Variants in FHIP2A observed in about 807,000 individuals in gnomAD.
FHIP2A encodes the protein family with sequence similarity 160 member B1.
In FHIP2A, 46 loss-of-function variants were observed where a neutral mutation model predicts 93.5. That is an observed-to-expected ratio of 0.49 (90% CI 0.39 to 0.63). FHIP2A has a LOEUF of 0.63. Among genes scored for constraint, FHIP2A ranks in the 20% least tolerant of loss-of-function variants. The pLI is 0.00. For synonymous variants in FHIP2A, 332 were observed against 326.5 expected (o/e 1.02, Z -0.18); for missense variants, 769 against 909.7 (o/e 0.85, Z 1.99).
At chr10:114,832,946 T>A (rs889685927) in intron 2 of FHIP2A, among the ~76,000 whole-genome samples, 6 of 152,156 alleles carry the variant, frequency 3.9e-5, no homozygotes, top group African/African-American at 1.4e-4. Flanking sequence ...ATTCCTGACC[T>A]CAGGTGATCC....
chr10:114,833,577 TAGAA>T (rs758692254), intron 3 of FHIP2A, 175 bp downstream of exon 3: 4 of 562,418 alleles, frequency 7.1e-6, no homozygotes, highest in Non-Finnish European at 1.2e-5. Context: ...TCCATAGAGA[TAGAA>T]AGATTCCAAA....
At chr10:114,897,035 G>A (rs964233545) in intron 16 of FHIP2A, among the ~76,000 whole-genome samples, 10 of 152,062 alleles carry the variant, frequency 6.6e-5, no homozygotes, top group South Asian at 2.1e-4. Flanking sequence ...TCTGCTAGCC[G>A]TAATAAAAAA....
intron 5 of FHIP2A, among the ~76,000 whole-genome samples, chr10:114,838,383 G>A (rs898608283): frequency 1.9e-4 from 29 of 152,026 alleles, no homozygotes; most frequent in African/African-American, 5.1e-4. Context: ...CTCATCATGC[G>A]CATCGTGTGT....
intron 14 of FHIP2A, among the ~76,000 whole-genome samples, chr10:114,858,441 T>C (rs573322762): frequency 6.6e-6 from 1 of 152,314 alleles, no homozygotes; most frequent in East Asian, 1.9e-4. Flanking sequence ...AATAGTAATG[T>C]ATTTGTTTAA....
chr10:114,896,203 G>A (rs1190597955), intron 16 of FHIP2A, among the ~76,000 whole-genome samples: 2 of 151,812 alleles, frequency 1.3e-5, no homozygotes, highest in Admixed American at 1.3e-4. Flanking sequence ...ATGCACAATA[G>A]TAAAAGGTAA....
Position 114,862,938 on chromosome 10 carries a change from A to G in FHIP2A, c.*1398A>G. The stretch of plus-strand genomic sequence containing the variant: ...TGTTTGCATATACGCATTGTGTGGC[A>G]TGTGCATAGAGGCTTGTTTTACACC... On this transcript the variant is annotated 3_prime_UTR_variant, in exon 17 of 17. Transcript: ENST00000369248. The G allele has an allele frequency of 1.0e-6, 1 of 985,442 alleles. No individual in the cohort carries two copies. Among genetic ancestry groups the G allele is most frequent in the Non-Finnish European group, 1.2e-6 (1 of 829,942 alleles). The allele number at this position is 985,442 out of a possible 1,614,324, so 61.0% of individuals were successfully genotyped here.
intron 16 of FHIP2A, among the ~76,000 whole-genome samples, chr10:114,885,619 C>T (rs74550422): frequency 1.3e-5 from 2 of 152,316 alleles, no homozygotes; most frequent in African/African-American, 4.8e-5. Context: ...GTGCTGCAAT[C>T]CTGTCTCAGC....
intron 7 of FHIP2A, among the ~76,000 whole-genome samples, chr10:114,844,705 A>G (rs1171677029): frequency 6.6e-6 from 1 of 152,002 alleles, no homozygotes; most frequent in Non-Finnish European, 1.5e-5. Context: ...CTTTTCGTTG[A>G]TGTTACTTGG....
At chr10:114,884,467 TTC>T (rs1390832670) in intron 16 of FHIP2A, among the ~76,000 whole-genome samples, 1 of 152,202 alleles carries the variant, frequency 6.6e-6, no homozygotes, top group Admixed American at 6.5e-5. Context: ...AACCTCTTTC[TTC>T]TCAGCTAGGA....
intron 5 of FHIP2A, among the ~76,000 whole-genome samples, chr10:114,838,757 A>G (rs1439577533): frequency 2.0e-5 from 3 of 152,216 alleles, no homozygotes; most frequent in East Asian, 1.9e-4. Flanking sequence ...GGTACACTGT[A>G]TGTACCTGTC....
At position 114,863,987 on chromosome 10, in the gene FHIP2A, A is replaced by G. The variant is rs2083815473; in HGVS notation, c.*2447A>G. 5.7e-6 allele frequency: 6 copies of G among 1,061,516 alleles called. No homozygotes were observed. The highest frequency in any genetic ancestry group is 6.9e-6 in the Non-Finnish European group (6 of 875,174). The allele number at this position is 1,061,516 out of a possible 1,614,324, so 65.8% of individuals were successfully genotyped here. A position where few individuals can be genotyped will look rare whatever the true frequency, so the allele number is the denominator to read the frequency against. ...ATAGAACTCAGATTTGTCTTAGCCT[A>G]TTGCCATATAGTACTCACCTTATAA... is the stretch of plus-strand genomic sequence containing the variant. On this transcript the variant is annotated 3_prime_UTR_variant, in exon 17 of 17. Coordinates refer to ENST00000369248, the MANE Select transcript of FHIP2A (RefSeq NM_020940.4).
rs1337023920 is a variant in FHIP2A at position 114,899,405 on chromosome 10, A to G, written c.2193-85A>G. 9.9e-6 allele frequency: 7 copies of G among 708,588 alleles called. No individual in the cohort carries two copies. The East Asian group carries it at 1.3e-4, about 14-fold the overall frequency. 43.9% of individuals were successfully genotyped at this position (708,588 alleles called of 1,614,324 possible). On this transcript the variant is annotated intron_variant, in intron 16 of 16. Coordinates refer to the FHIP2A transcript ENST00000369250. Reference sequence around the variant, plus strand: ...GAAAGTCCAGGAGTTGGTTAAGCACATAGTTAGATCCGTATGCTCAGGCTA... The same window carrying G: ...GAAAGTCCAGGAGTTGGTTAAGCACGTAGTTAGATCCGTATGCTCAGGCTA...
intron 16 of FHIP2A, among the ~76,000 whole-genome samples, chr10:114,895,962 C>G (rs1395582386): frequency 6.6e-6 from 1 of 152,144 alleles, no homozygotes; most frequent in Non-Finnish European, 1.5e-5. Context: ...CCCAAATCCA[C>G]CCTTTATTGC....
intron 16 of FHIP2A, among the ~76,000 whole-genome samples, chr10:114,875,643 C>T (rs1230098407): frequency 2.6e-5 from 4 of 151,086 alleles, no homozygotes; most frequent in African/African-American, 9.7e-5. Context: ...TTCAGTGAGC[C>T]AAGATTGCGC....
At chr10:114,846,149 A>G in intron 9 of FHIP2A, 26 bp from the exon 10 acceptor site, 4 of 1,613,430 alleles carry the variant, frequency 2.5e-6, no homozygotes, top group Non-Finnish European at 3.4e-6. Flanking sequence ...ATTTTTGCCC[A>G]CTGACTACCT....
intron 1 of FHIP2A, 88 bp downstream of exon 1, chr10:114,822,211 T>TTGGCCCGGCCCTCGGCGGCCC: frequency 1.2e-6 from 1 of 852,330 alleles, no homozygotes; most frequent in East Asian, 4.7e-5. Flanking sequence ...CCGGGCGGCC[T>TTGGCCCGGCCCTCGGCGGCCC]TGGCCCGGCC....
chr10:114,836,615 C>T (rs2083638289), intron 5 of FHIP2A, among the ~76,000 whole-genome samples: 1 of 152,160 alleles, frequency 6.6e-6, no homozygotes, highest in Non-Finnish European at 1.5e-5. Flanking sequence ...ATAAGGATGG[C>T]ATGTGCAGAT....
intron 14 of FHIP2A, among the ~76,000 whole-genome samples, chr10:114,856,299 T>G (rs1466490365): frequency 6.6e-6 from 1 of 152,174 alleles, no homozygotes; most frequent in African/African-American, 2.4e-5. Context: ...CCTTTTTTTT[T>G]TCTTTTTTAA....
At position 114,836,104 on chromosome 10, in the gene FHIP2A, A is replaced by G. The variant is rs2083635325; in HGVS notation, c.400-20A>G. 1.3e-6 allele frequency: 2 copies of G among 1,539,604 alleles called. No homozygotes were observed. The highest frequency in any genetic ancestry group is 2.7e-5 in the African/African-American group (2 of 73,370). ...AAAAGTAGCCTAAGTTTAAAAAGTTAAAAACAATTGTTTTCACAGAAATTA... is the reference window on the plus strand; with the variant it reads ...AAAAGTAGCCTAAGTTTAAAAAGTTGAAAACAATTGTTTTCACAGAAATTA... On this transcript the variant is annotated intron_variant, in intron 4 of 16. Coordinates refer to ENST00000369248, the MANE Select transcript of FHIP2A (RefSeq NM_020940.4).
Sources: gnomAD v4.1 joint callset for allele counts (sites outside exome capture counted in the v4.1 genomes callset) on GRCh38, gnomAD v4.1.1 for gene constraint, MANE v1.5 for transcripts, NCBI Gene and HGNC (gene_info 2026-07-23, HGNC 2026-07-21) for gene names.